The following RAB38 variants were observed in gnomAD, a reference collection of about 807,000 sequenced individuals.
RAB38 encodes RAB38, member RAS oncogene family.
A neutral mutation model predicts 18.4 loss-of-function variants in RAB38; 15 were observed. That is an observed-to-expected ratio of 0.82 (90% CI 0.55 to 1.26). The LOEUF (loss-of-function observed/expected upper bound fraction) is 1.26. Among genes scored for constraint, RAB38 ranks in the 50% most tolerant of loss-of-function variants. The pLI is 0.00. For synonymous variants in RAB38, 101 were observed against 104.4 expected (o/e 0.97, Z 0.20); for missense variants, 294 against 267.4 (o/e 1.10, Z -0.69).
At chr11:88,082,321 G>GA in the RAB38 span, among the ~76,000 whole-genome samples, 38 of 150,494 alleles carry the variant, frequency 2.5e-4, no homozygotes, top group African/African-American at 7.1e-4. Flanking sequence ...ATATTAGAAA[G>GA]AAAAAAAAAT....
At chr11:87,925,539 T>G in the RAB38 span, among the ~76,000 whole-genome samples, 225 of 152,000 alleles carry the variant, frequency 1.5e-3, 2 homozygotes, top group East Asian at 0.032. Flanking sequence ...GCACATAGAG[T>G]AAGTATATAA....
chr11:87,961,458 C>T, the RAB38 span, among the ~76,000 whole-genome samples: 2 of 152,098 alleles, frequency 1.3e-5, no homozygotes, highest in Middle Eastern at 3.2e-3. Context: ...TGCAAGTGGC[C>T]AGCCATGGCA....
chr11:88,147,432 G>A (rs1232552536), intron 2 of RAB38, among the ~76,000 whole-genome samples: 1 of 152,066 alleles, frequency 6.6e-6, no homozygotes, highest in Non-Finnish European at 1.5e-5. Context: ...TGTCTCCCTT[G>A]TGCCTGGAGG....
chr11:87,957,884 C>T, the RAB38 span, among the ~76,000 whole-genome samples: 1 of 152,126 alleles, frequency 6.6e-6, no homozygotes, highest in African/African-American at 2.4e-5. Context: ...CATGCCATGA[C>T]ACCATATTTT....
chr11:87,901,631 G>T, the RAB38 span, among the ~76,000 whole-genome samples: 1 of 151,552 alleles, frequency 6.6e-6, no homozygotes, highest in Admixed American at 6.6e-5. Context: ...GATAAACAGG[G>T]CATAGAAGGT....
chr11:87,869,598 G>C, the RAB38 span, among the ~76,000 whole-genome samples: 1 of 151,592 alleles, frequency 6.6e-6, no homozygotes, highest in Non-Finnish European at 1.5e-5. Context: ...TATATTTTAG[G>C]TCTGTAGTCC....
the RAB38 span, among the ~76,000 whole-genome samples, chr11:87,870,480 G>A: frequency 4.0e-5 from 6 of 151,300 alleles, no homozygotes; most frequent in Non-Finnish European, 8.9e-5. Flanking sequence ...AATCATTTCA[G>A]AGTCTACACA....
chr11:87,970,920 G>T, the RAB38 span, among the ~76,000 whole-genome samples: 1 of 151,936 alleles, frequency 6.6e-6, no homozygotes, highest in Admixed American at 6.6e-5. Flanking sequence ...AGATGGCAAG[G>T]GACAAAAGGA....
the RAB38 span, among the ~76,000 whole-genome samples, chr11:88,070,039 G>A: frequency 0.09 from 13,752 of 152,262 alleles, 683 homozygotes; most frequent in Middle Eastern, 0.16. Context: ...CGAGTCAGCA[G>A]AGGCAACCTG....
At chr11:87,880,887 G>C in the RAB38 span, among the ~76,000 whole-genome samples, 5 of 151,682 alleles carry the variant, frequency 3.3e-5, no homozygotes, top group Admixed American at 2.0e-4. Flanking sequence ...CATGAACTAT[G>C]TTCATATGTG....
chr11:88,021,476 A>G, the RAB38 span, among the ~76,000 whole-genome samples: 1 of 152,090 alleles, frequency 6.6e-6, no homozygotes, highest in Non-Finnish European at 1.5e-5. Context: ...CCCAGGACCC[A>G]TTGGCTTCAC....
At chr11:88,121,029 T>C (rs1210200717) in intron 2 of RAB38, among the ~76,000 whole-genome samples, 3 of 152,194 alleles carry the variant, frequency 2.0e-5, no homozygotes, top group Non-Finnish European at 1.5e-5. Context: ...ACAGGGAATA[T>C]GCTATTATAG....
chr11:87,807,772 A>G, the RAB38 span, among the ~76,000 whole-genome samples: 1 of 152,090 alleles, frequency 6.6e-6, no homozygotes, highest in African/African-American at 2.4e-5. Context: ...GGGAAGGAGT[A>G]ATGTATGGCT....
chr11:87,853,226 T>C, the RAB38 span, among the ~76,000 whole-genome samples: 2 of 152,190 alleles, frequency 1.3e-5, no homozygotes, highest in African/African-American at 4.8e-5. Context: ...ATAGACAGAA[T>C]GTTTGTATCC....
At chr11:87,849,962 C>A in the RAB38 span, among the ~76,000 whole-genome samples, 1 of 152,006 alleles carries the variant, frequency 6.6e-6, no homozygotes. Context: ...TAATCAGCAA[C>A]AAAATTAGCA....
chr11:88,152,869 T>A (rs1247950349), intron 1 of RAB38, among the ~76,000 whole-genome samples: 1 of 152,236 alleles, frequency 6.6e-6, no homozygotes, highest in East Asian at 1.9e-4. Flanking sequence ...GCTGGAAATA[T>A]ACAGTTTTTG....
At chr11:87,968,541 C>A in the RAB38 span, among the ~76,000 whole-genome samples, 20,841 of 152,100 alleles carry the variant, frequency 0.14, 1,634 homozygotes, top group Non-Finnish European at 0.18. Flanking sequence ...GGTGAGTCAG[C>A]TTCAAGTGTA....
At chr11:88,084,687 CT>C in the RAB38 span, among the ~76,000 whole-genome samples, 16 of 151,830 alleles carry the variant, frequency 1.1e-4, no homozygotes, top group African/African-American at 3.9e-4. Context: ...AGCTCTCTCT[CT>C]TGTGTTGCTT....
At chr11:88,025,130 A>C in the RAB38 span, among the ~76,000 whole-genome samples, 1 of 151,810 alleles carries the variant, frequency 6.6e-6, no homozygotes, top group Middle Eastern at 3.4e-3. Flanking sequence ...CATATATCTC[A>C]TATTTACACC....
Sources: allele counts gnomAD v4.1 joint callset (sites outside exome capture counted in the v4.1 genomes callset), GRCh38; gene constraint gnomAD v4.1.1; transcripts MANE v1.5; gene names NCBI Gene and HGNC (gene_info 2026-07-23, HGNC 2026-07-21).